The following ANO4 variants were observed in gnomAD, a reference collection of about 807,000 sequenced individuals.
ANO4 encodes anoctamin 4.
A neutral mutation model predicts 141.9 loss-of-function variants in ANO4; 69 were observed. That is an observed-to-expected ratio of 0.49 (90% CI 0.40 to 0.59). ANO4 has a LOEUF of 0.59. ANO4 is among the 20% of genes least tolerant of loss of function. The pLI is 0.00. For synonymous variants in ANO4, 350 were observed against 394.3 expected, an observed-to-expected ratio of 0.89 and a Z score of 1.33; for missense variants, 894 against 1,162.2, an observed-to-expected ratio of 0.77 and a Z score of 3.36.
intron 3 of ANO4, among the ~76,000 whole-genome samples, chr12:100,774,979 T>C (rs2033442577): frequency 6.6e-6 from 1 of 152,200 alleles, no homozygotes; most frequent in South Asian, 2.1e-4. Flanking sequence ...AGTCTAAAGA[T>C]CTCTAATGCT....
chr12:101,070,489 T>C (rs1486556658), intron 14 of ANO4, among the ~76,000 whole-genome samples: 1 of 152,158 alleles, frequency 6.6e-6, no homozygotes, highest in African/African-American at 2.4e-5. Flanking sequence ...TAGACCCTTA[T>C]CTTTCCGCAT....
chr12:101,029,297 C>T (rs945947836), intron 9 of ANO4, among the ~76,000 whole-genome samples: 3 of 152,158 alleles, frequency 2.0e-5, no homozygotes, highest in Non-Finnish European at 4.4e-5. Flanking sequence ...AACCAGATAG[C>T]ATCATGATGA....
rs71091476 is a variant in ANO4, at chr12:101,103,183, TTATATATATATATATATATATATA to T, written c.2149+3487_2149+3510del. On this transcript the variant is annotated intron_variant, in intron 22 of 27. Coordinates refer to ENST00000392977, the MANE Select transcript of ANO4 (RefSeq NM_001286615.2). ...CTTTACATTTTCCTTTTTAGTCATT[TTATATATATATATATATATATATA>T]TATATATATATATATATATATATCT... Among the ~76,000 whole-genome samples, 12 of 18,582 alleles carry T rather than the reference TTATATATATATATATATATATATA, an allele frequency of 6.5e-4. No homozygotes were observed. In the South Asian group the frequency reaches 0.025, roughly 39 times the overall value. 12.2% of individuals were successfully genotyped at this position (18,582 alleles called of 152,430 possible).
At chr12:100,894,965 C>CAAAA (rs764468746) in intron 1 of ANO4, among the ~76,000 whole-genome samples, 1 of 102,612 alleles carries the variant, frequency 9.7e-6, no homozygotes, top group Non-Finnish European at 2.0e-5. Context: ...GACTCCATCT[C>CAAAA]AAAAAAAAAA....
At chr12:100,884,155 T>G (rs1214267852) in intron 1 of ANO4, among the ~76,000 whole-genome samples, 1 of 152,246 alleles carries the variant, frequency 6.6e-6, no homozygotes, top group Non-Finnish European at 1.5e-5. Flanking sequence ...TTCAAACATT[T>G]GTTAAACCAA....
chr12:100,895,583 A>T (rs1047533116), intron 1 of ANO4, among the ~76,000 whole-genome samples: 2 of 142,536 alleles, frequency 1.4e-5, no homozygotes, highest in African/African-American at 5.7e-5. Context: ...TTTTTGAGAC[A>T]GAGTTTTGCT....
chr12:100,844,722 T>C (rs1310604728), intron 1 of ANO4, among the ~76,000 whole-genome samples: 1 of 151,660 alleles, frequency 6.6e-6, no homozygotes, highest in Non-Finnish European at 1.5e-5. Flanking sequence ...GAATGAAAAA[T>C]TAAAGTCAGG....
At chr12:100,772,345 G>A (rs985366600) in intron 3 of ANO4, among the ~76,000 whole-genome samples, 15 of 152,212 alleles carry the variant, frequency 9.9e-5, no homozygotes, top group East Asian at 7.7e-4. Flanking sequence ...ATAGAATTAC[G>A]CATAGGCCCT....
intron 1 of ANO4, among the ~76,000 whole-genome samples, chr12:100,887,686 T>C (rs1281336491): frequency 6.6e-6 from 1 of 152,224 alleles, no homozygotes; most frequent in Non-Finnish European, 1.5e-5. Context: ...TCCTCAGTGT[T>C]TGGCACAGAG....
In ANO4 at chr12:100,953,961, G is replaced by A. The variant is rs999791757; in HGVS notation, c.456+11426G>A. Among the ~76,000 whole-genome samples the A allele has an allele frequency of 7.2e-5, 11 of 152,220 alleles. No homozygotes were observed. In the East Asian group the frequency reaches 2.1e-3, roughly 29 times the overall value. ...TGGTGTTTGCATCTAAATGAACAGG[G>A]AAAAAAGTCAAGTGCACGAGCAGTG... On this transcript the variant is annotated intron_variant, in intron 5 of 27. Transcript: ENST00000392977.
At chr12:100,868,000 G>A (rs897195407) in intron 1 of ANO4, among the ~76,000 whole-genome samples, 3 of 152,122 alleles carry the variant, frequency 2.0e-5, no homozygotes, top group Non-Finnish European at 4.4e-5. Context: ...CTCTGGTGCC[G>A]TTGGACCCAC....
intron 22 of ANO4, among the ~76,000 whole-genome samples, chr12:101,106,456 C>T (rs1355079012): frequency 6.6e-6 from 1 of 151,284 alleles, no homozygotes; most frequent in Non-Finnish European, 1.5e-5. Flanking sequence ...GTGATATGAA[C>T]AGGGCAAAAA....
intron 3 of ANO4, among the ~76,000 whole-genome samples, chr12:100,779,056 AAAAAAAC>A (rs994573992): frequency 1.9e-4 from 29 of 152,170 alleles, no homozygotes; most frequent in African/African-American, 6.3e-4. Flanking sequence ...CCAAAAGAAA[AAAAAAAC>A]AAAAAACAAA....
chr12:100,819,035 G>A (rs866886780), intron 1 of ANO4, among the ~76,000 whole-genome samples: 2 of 147,776 alleles, frequency 1.4e-5, no homozygotes, highest in African/African-American at 2.5e-5. Context: ...ATGTATGTGT[G>A]TATATATATA....
At chr12:100,743,119 A>G (rs2031946009) in intron 3 of ANO4, among the ~76,000 whole-genome samples, 1 of 151,582 alleles carries the variant, frequency 6.6e-6, no homozygotes, top group Admixed American at 6.6e-5. Flanking sequence ...TCAGGAGCTC[A>G]GAGTCTAGTG....
chr12:101,084,507 C>G (rs2049405881), intron 16 of ANO4, among the ~76,000 whole-genome samples: 1 of 152,088 alleles, frequency 6.6e-6, no homozygotes. Flanking sequence ...TGATTAGGAT[C>G]CTCCTTTCCT....
At chr12:100,842,095 A>G (rs1267298965) in intron 1 of ANO4, 1 of 130,700 alleles carries the variant, frequency 7.7e-6, no homozygotes, top group Non-Finnish European at 1.6e-5. Context: ...GCCAAGGACA[A>G]TAATATTCTT....
chr12:100,736,470 A>G (rs984864403), intron 2 of ANO4, among the ~76,000 whole-genome samples: 1 of 152,172 alleles, frequency 6.6e-6, no homozygotes, highest in Non-Finnish European at 1.5e-5. Context: ...ATTTGAGCCC[A>G]GGTCATTGGG....
intron 1 of ANO4, among the ~76,000 whole-genome samples, chr12:100,847,566 G>T (rs2037637611): frequency 6.7e-6 from 1 of 150,096 alleles, no homozygotes; most frequent in Non-Finnish European, 1.5e-5. Flanking sequence ...CCGCCTCCCG[G>T]GTTCACGCCA....
Sources: allele counts gnomAD v4.1 joint callset (sites outside exome capture counted in the v4.1 genomes callset), GRCh38; gene constraint gnomAD v4.1.1; transcripts MANE v1.5; gene names NCBI Gene and HGNC (gene_info 2026-07-23, HGNC 2026-07-21).